The following PF4 variants were observed in gnomAD, a reference collection of about 807,000 sequenced individuals.
PF4 encodes platelet factor 4.
Under a neutral mutation model 6.9 loss-of-function variants are expected in PF4, and 8 were observed. The observed-to-expected ratio is 1.16, with a 90% CI of 0.68 to 2.09. The LOEUF is 2.09. Ranked by LOEUF, PF4 falls within the 30% of genes most tolerant of loss-of-function variation. PF4 has a pLI of 0.00. For synonymous variants in PF4, 55 were observed against 56.5 expected, an observed-to-expected ratio of 0.97 and a Z score of 0.12; for missense variants, 111 against 122.9, an observed-to-expected ratio of 0.90 and a Z score of 0.46.
intron 1 of PF4, 25 bp downstream of exon 1, chr4:73,981,838 C>G (rs1413804744): frequency 1.3e-6 from 2 of 1,550,160 alleles, no homozygotes; most frequent in Non-Finnish European, 1.7e-6. Context: ...GCTGCCAGCC[C>G]TCACAGCCTG....
intron 1 of PF4, 133 bp from the exon 2 acceptor site, chr4:73,981,676 C>T (rs553548589): frequency 6.8e-7 from 1 of 1,479,288 alleles, no homozygotes; most frequent in Non-Finnish European, 9.0e-7. Context: ...ACACCTCCCC[C>T]AGACAGAAGT....
Position 73,980,938 on chromosome 4 carries a change from A to T in PF4, c.*266T>A. 1 of 443,620 alleles carries T rather than the reference A, an allele frequency of 2.3e-6. No individual in the cohort carries two copies. The highest frequency in any genetic ancestry group is 4.1e-5 in the East Asian group (1 of 24,498). 27.5% of individuals were successfully genotyped at this position (443,620 alleles called of 1,614,324 possible). On this transcript the variant is annotated 3_prime_UTR_variant, in exon 3 of 3. Transcript: ENST00000296029. ...GAATATGTATCAGCCAACATGTAAC[A>T]CCAAGCATAACCAGTATTCACACCT...
chr4:73,982,050 G>A, upstream of PF4: 1 of 992,438 alleles, frequency 1.0e-6, no homozygotes, highest in Non-Finnish European at 1.5e-6. Flanking sequence ...TCGCCGGCAC[G>A]TTTTATTCCC....
intron 1 of PF4, 66 bp from the exon 2 acceptor site, chr4:73,981,609 G>C: frequency 6.4e-7 from 1 of 1,553,528 alleles, no homozygotes; most frequent in Non-Finnish European, 8.7e-7. Context: ...TGAGTAGCCA[G>C]AGGTACTTTA....
chr4:73,981,659 A>G (rs1467942273), intron 1 of PF4, 116 bp from the exon 2 acceptor site: 2 of 1,487,620 alleles, frequency 1.3e-6, no homozygotes, highest in Non-Finnish European at 1.8e-6. Context: ...TTTCCTTACC[A>G]TAAATCACAC....
In PF4 at chr4:73,981,182, C is replaced by T. The variant is rs763159986; in HGVS notation, c.*22G>A. On this transcript the variant is annotated 3_prime_UTR_variant, in exon 3 of 3. Coordinates refer to ENST00000296029, the MANE Select transcript of PF4 (RefSeq NM_002619.4). ...AAAGAAGTATGCTATATAGCAAATG[C>T]ACACACGTAGGCAGCTAGTAGCTAA... 2 of 1,550,594 alleles carry T rather than the reference C, an allele frequency of 1.3e-6. No individual in the cohort carries two copies. Among genetic ancestry groups the T allele is most frequent in the South Asian group, 2.2e-5 (2 of 89,848 alleles).
intron 1 of PF4, 58 bp downstream of exon 1, chr4:73,981,805 G>A (rs1718804340): frequency 6.5e-7 from 1 of 1,540,418 alleles, no homozygotes; most frequent in African/African-American, 1.4e-5. Flanking sequence ...CCAGCCCCAG[G>A]GCTTCCCGGA....
In PF4 at chr4:73,981,265, A is replaced by T. The variant is rs767579474; in HGVS notation, c.245T>A (p.Ile82Asn). Reference sequence around the variant, plus strand: ...CAGCGGGGCTTGCAGGTCCAAGCAAATTTTCCTTCCATTCTTCAGCGTGGC... The same window carrying T: ...CAGCGGGGCTTGCAGGTCCAAGCAATTTTTCCTTCCATTCTTCAGCGTGGC... The part of the protein sequence containing the change: ...LIATLKNGRK[I>N]CLDLQAPLYK... Residue 82 changes from isoleucine (I) to asparagine (N), a missense_variant, in exon 3 of 3, where the codon ATT becomes AAT. Coordinates refer to ENST00000296029, the MANE Select transcript of PF4 (RefSeq NM_002619.4). The T allele has an allele frequency of 1.2e-6, 2 of 1,614,162 alleles. No homozygotes were observed. Among genetic ancestry groups the T allele is most frequent in the Admixed American group, 3.3e-5 (2 of 60,018 alleles).
At chr4:73,981,835 G>T (rs2109811175) in intron 1 of PF4, 28 bp downstream of exon 1, 2 of 1,549,436 alleles carry the variant, frequency 1.3e-6, no homozygotes, top group East Asian at 4.9e-5. Flanking sequence ...GCCGCTGCCA[G>T]CCCTCACAGC....
chr4:73,981,008 C>T lies in PF4; in HGVS notation c.*196G>A, dbSNP rs1718765608. The T allele has an allele frequency of 8.9e-6, 5 of 560,776 alleles. No individual in the cohort carries two copies. The highest frequency in any genetic ancestry group is 1.6e-5 in the Non-Finnish European group (5 of 318,776). 34.7% of individuals were successfully genotyped at this position (560,776 alleles called of 1,614,324 possible). A position where few individuals can be genotyped will look rare whatever the true frequency, so the allele number is the denominator to read the frequency against. Reference sequence around the variant, plus strand: ...CTTAAAATACCGGAATTTTTTTCTTCCATGAAATTGTTATGTGTCAACACA... The same window carrying T: ...CTTAAAATACCGGAATTTTTTTCTTTCATGAAATTGTTATGTGTCAACACA... On this transcript the variant is annotated 3_prime_UTR_variant, in exon 3 of 3. Transcript: ENST00000296029.
In PF4 at chr4:73,981,160, G is replaced by T. The variant is rs352006; in HGVS notation, c.*44C>A. 29 of 1,306,228 alleles carry T rather than the reference G, an allele frequency of 2.2e-5. No homozygotes were observed. The highest frequency in any genetic ancestry group is 3.1e-5 in the Non-Finnish European group (28 of 902,826). The allele number at this position is 1,306,228 out of a possible 1,614,324, so 80.9% of individuals were successfully genotyped here. ...ACAGTTAGATTGAAACTGGAAAAAA[G>T]AAGTATGCTATATAGCAAATGCACA... On this transcript the variant is annotated 3_prime_UTR_variant, in exon 3 of 3. Transcript: ENST00000296029.
rs768954808 is a variant in PF4, at chr4:73,981,549, G to A, written c.92-6C>T. 1.9e-6 allele frequency: 3 copies of A among 1,611,950 alleles called. No homozygotes were observed. In the South Asian group the frequency reaches 3.3e-5, roughly 18 times the overall value. ...CCCATCTTCTTCAGCTTCAGCTGAG[G>A]GGGAAATGGAGAGGGTAAGAGAGGA... On this transcript the variant is annotated splice_region_variant and splice_polypyrimidine_tract_variant and intron_variant, in intron 1 of 2. Transcript: ENST00000296029.
In PF4 at chr4:73,981,160, G is replaced by C; in HGVS notation, c.*44C>G. On this transcript the variant is annotated 3_prime_UTR_variant, in exon 3 of 3. Transcript: ENST00000296029. ...ACAGTTAGATTGAAACTGGAAAAAA[G>C]AAGTATGCTATATAGCAAATGCACA... The C allele has an allele frequency of 7.7e-7, 1 of 1,306,328 alleles. No individual in the cohort carries two copies. The highest frequency in any genetic ancestry group is 1.1e-6 in the Non-Finnish European group (1 of 902,822). The allele number at this position is 1,306,328 out of a possible 1,614,324, so 80.9% of individuals were successfully genotyped here. A position where few individuals can be genotyped will look rare whatever the true frequency, so the allele number is the denominator to read the frequency against.
intron 1 of PF4, 109 bp downstream of exon 1, chr4:73,981,754 C>G (rs902039555): frequency 6.7e-7 from 1 of 1,485,762 alleles, no homozygotes; most frequent in Admixed American, 2.3e-5. Flanking sequence ...GCAGGCTCTC[C>G]GTTAAGTGTG....
rs180789835 is a variant in PF4 at position 73,981,122 on chromosome 4, C to G, written c.*82G>C. On this transcript the variant is annotated 3_prime_UTR_variant, in exon 3 of 3. Transcript: ENST00000296029. ...AAAATCATAAGGATAACACAAATAT[C>G]AGAAGTTCTTTCACAGTTAGATTGA... The G allele has an allele frequency of 8.4e-5, 78 of 930,408 alleles. 1 individual carries two copies. Among genetic ancestry groups the G allele is most frequent in the East Asian group, 7.5e-4 (31 of 41,110 alleles). The allele number at this position is 930,408 out of a possible 1,614,324, so 57.6% of individuals were successfully genotyped here. A position where few individuals can be genotyped will look rare whatever the true frequency, so the allele number is the denominator to read the frequency against.
chr4:73,981,298 G>A lies in PF4; in HGVS notation c.219-7C>T. 6.2e-7 allele frequency: 1 copy of A among 1,614,190 alleles called. No homozygotes were observed. Among genetic ancestry groups the A allele is most frequent in the Non-Finnish European group, 8.5e-7 (1 of 1,180,004 alleles). On this transcript the variant is annotated splice_region_variant and splice_polypyrimidine_tract_variant and intron_variant, in intron 2 of 2. Transcript: ENST00000296029. ...TCCATTCTTCAGCGTGGCTCTGGCAGGGAAAAGAGAAGAGATGTGACTTTC... is the reference window on the plus strand; with the variant it reads ...TCCATTCTTCAGCGTGGCTCTGGCAAGGAAAAGAGAAGAGATGTGACTTTC...
chr4:73,981,454 T>C lies in PF4; in HGVS notation c.181A>G (p.Ile61Val), dbSNP rs1718786169. The C allele has an allele frequency of 2.5e-6, 4 of 1,614,150 alleles. No homozygotes were observed. Among genetic ancestry groups the C allele is most frequent in the Non-Finnish European group, 3.4e-6 (4 of 1,180,014 alleles). Residue 61 changes from isoleucine to valine, a missense_variant, in exon 2 of 3, where the codon ATC (isoleucine) becomes GTC (valine). By Grantham distance (29) the Ile-to-Val change is conservative. Coordinates refer to ENST00000296029, the MANE Select transcript of PF4 (RefSeq NM_002619.4). ...RPRHITSLEV[I>V]KAGPHCPTAQ... is the part of the protein sequence containing the mutation. ...GTGGGGCAGTGGGGTCCGGCCTTGA[T>C]CACCTCCAGGCTGGTGATGTGCCTG... is the stretch of plus-strand genomic sequence containing the variant.
At chr4:73,981,784 A>G in intron 1 of PF4, 79 bp downstream of exon 1, 1 of 1,520,228 alleles carries the variant, frequency 6.6e-7, no homozygotes, top group Non-Finnish European at 8.8e-7. Flanking sequence ...ATGATCCTAG[A>G]GGATTCCTCC....
intron 1 of PF4, 137 bp from the exon 2 acceptor site, chr4:73,981,680 C>A (rs1388135936): frequency 1.8e-5 from 27 of 1,478,814 alleles, no homozygotes; most frequent in Non-Finnish European, 2.2e-5. Context: ...CTCCCCCAGA[C>A]AGAAGTTGTT....
Sources: allele counts gnomAD v4.1 joint callset, GRCh38; gene constraint gnomAD v4.1.1; transcripts MANE v1.5; gene names NCBI Gene and HGNC (gene_info 2026-07-23, HGNC 2026-07-21).